The following KRT73 variants were observed in gnomAD, a reference collection of about 807,000 sequenced individuals.
The protein encoded by KRT73 is keratin, type II cytoskeletal 73.
KRT73 carries 44 observed loss-of-function variants against 47.2 expected under a neutral mutation model. The observed-to-expected ratio is 0.93, with a 90% confidence interval of 0.73 to 1.20. KRT73 has a LOEUF of 1.20. Ranked by LOEUF, KRT73 falls within the 50% of genes most tolerant of loss-of-function variation. The probability of loss-of-function intolerance (pLI) is 0.00; values close to 1 mark genes in which losing one functional copy is unlikely to be tolerated. For synonymous variants in KRT73, 285 were observed against 291.3 expected, an observed-to-expected ratio of 0.98 and a Z score of 0.22; for missense variants, 713 against 704.5, an observed-to-expected ratio of 1.01 and a Z score of -0.14.
At chr12:52,620,383 C>T (rs369507415), upstream of KRT73, among the ~76,000 whole-genome samples, 41 of 152,252 alleles carry the variant, frequency 2.7e-4, no homozygotes, top group South Asian at 8.3e-3. Flanking sequence ...GGATTACAGG[C>T]GTGAGCCACC....
intron 7 of KRT73, 84 bp downstream of exon 7, chr12:52,610,531 C>T: frequency 1.5e-4 from 26 of 179,010 alleles, no homozygotes; most frequent in South Asian, 6.0e-4. Flanking sequence ...AGCTCGCCGC[C>T]CCCTCCCCCC....
At chr12:52,627,604 C>T in the KRT73 span, among the ~76,000 whole-genome samples, 2 of 152,168 alleles carry the variant, frequency 1.3e-5, no homozygotes, top group Admixed American at 1.3e-4. Flanking sequence ...CCCAAGCCCC[C>T]AGGCTGCTTT....
chr12:52,616,422 G>A (rs904595207), intron 1 of KRT73, 42 bp from the exon 2 acceptor site: 2 of 1,603,238 alleles, frequency 1.2e-6, no homozygotes, highest in Non-Finnish European at 1.7e-6. Flanking sequence ...GTGGAGAGGG[G>A]ATGTGAGAAT....
intron 7 of KRT73, 148 bp downstream of exon 7, chr12:52,610,467 A>T (rs1488191860): frequency 1.3e-6 from 1 of 744,860 alleles, no homozygotes; most frequent in East Asian, 2.7e-5. Flanking sequence ...CTGTCACATT[A>T]TCTGGCAGGA....
upstream of KRT73, among the ~76,000 whole-genome samples, chr12:52,621,908 T>C (rs2120894222): frequency 6.6e-6 from 1 of 152,210 alleles, no homozygotes; most frequent in East Asian, 1.9e-4. Context: ...CCTGACCCAC[T>C]TGGTACCAGT....
intron 4 of KRT73, 155 bp from the exon 5 acceptor site, chr12:52,614,007 G>A: frequency 1.8e-6 from 2 of 1,133,918 alleles, no homozygotes; most frequent in South Asian, 3.5e-5. Flanking sequence ...CAGCCCAGAG[G>A]TTCCAATACC....
chr12:52,617,719 C>T (rs950687126), intron 1 of KRT73, among the ~76,000 whole-genome samples: 4 of 152,196 alleles, frequency 2.6e-5, no homozygotes, highest in African/African-American at 9.7e-5. Flanking sequence ...CCTTCCTGGG[C>T]TAGGCTGCTG....
intron 5 of KRT73, chr12:52,611,567 C>T (rs1565628785): frequency 1.9e-6 from 1 of 529,206 alleles, no homozygotes. Flanking sequence ...ATGTCCCAGA[C>T]TCTCCATATG....
At chr12:52,612,900 T>A (rs1940731767) in intron 5 of KRT73, 1 of 152,174 alleles carries the variant, frequency 6.6e-6, no homozygotes, top group African/African-American at 2.4e-5. Context: ...TAAGCAATAA[T>A]AATACTGTTA....
At chr12:52,615,423 C>T in intron 2 of KRT73, 84 bp from the exon 3 acceptor site, 1 of 1,092,926 alleles carries the variant, frequency 9.1e-7, no homozygotes, top group South Asian at 1.3e-5. Flanking sequence ...AAAAGAGATA[C>T]CCATATTATA....
At chr12:52,615,370 G>A in intron 2 of KRT73, 31 bp from the exon 3 acceptor site, 1 of 1,549,964 alleles carries the variant, frequency 6.5e-7, no homozygotes, top group Non-Finnish European at 8.9e-7. Context: ...GAAGCAGAGT[G>A]TGTGTCTGTG....
chr12:52,624,957 A>C, the KRT73 span, among the ~76,000 whole-genome samples: 1 of 149,916 alleles, frequency 6.7e-6, no homozygotes, highest in African/African-American at 2.4e-5. Flanking sequence ...ATAAAACAAA[A>C]AATCTTGATT....
chr12:52,627,811 G>A, the KRT73 span, among the ~76,000 whole-genome samples: 1 of 152,154 alleles, frequency 6.6e-6, no homozygotes, highest in Non-Finnish European at 1.5e-5. Context: ...GGTCCTTTGT[G>A]CCAACCTTCC....
At chr12:52,616,570 T>A (rs577858098) in intron 1 of KRT73, among the ~76,000 whole-genome samples, 190 bp from the exon 2 acceptor site, 1 of 152,306 alleles carries the variant, frequency 6.6e-6, no homozygotes, top group East Asian at 1.9e-4. Flanking sequence ...AAGTTCTCAC[T>A]CTGAGGCAGC....
Position 52,608,291 on chromosome 12 carries a change from C to T in KRT73, c.1528G>A (p.Glu510Lys), listed in dbSNP as rs1205558096. Reference sequence around the variant, plus strand: ...GCACTCCCCAGCCTGGTCCTGGCTTCCCCACGGGGGCTACAGTTCCCACTG... The same window carrying T: ...GCACTCCCCAGCCTGGTCCTGGCTTTCCCACGGGGGCTACAGTTCCCACTG... ...TGSGNCSPRG[E>K]ARTRLGSASE... Residue 510 changes from glutamate to lysine, a missense_variant, in exon 9 of 9, where the codon GAA becomes AAA. Coordinates refer to ENST00000305748, the MANE Select transcript of KRT73 (RefSeq NM_175068.3). 1.2e-6 allele frequency: 2 copies of T among 1,613,982 alleles called. No individual in the cohort carries two copies. The highest frequency in any genetic ancestry group is 2.2e-5 in the East Asian group (1 of 44,870).
chr12:52,608,188 TTGC>T lies in KRT73; in HGVS notation c.*5_*7del. 1 of 1,607,072 alleles carries T rather than the reference TTGC, an allele frequency of 6.2e-7. No individual in the cohort carries two copies. Among genetic ancestry groups the T allele is most frequent in the South Asian group, 1.1e-5 (1 of 89,516 alleles). On this transcript the variant is annotated 3_prime_UTR_variant, in exon 9 of 9. Transcript: ENST00000305748. ...GCAGACTACTGGGAAATGGGCTGTGTTGCACTTTTATCTCATGGTTTTTTTGGT... is the reference window on the plus strand; with the variant it reads ...GCAGACTACTGGGAAATGGGCTGTGTACTTTTATCTCATGGTTTTTTTGGT...
chr12:52,611,016 A>G, intron 6 of KRT73, 181 bp from the exon 7 acceptor site: 3 of 928,734 alleles, frequency 3.2e-6, no homozygotes, highest in Non-Finnish European at 4.8e-6. Flanking sequence ...TGGGCCCCAC[A>G]GCTTTATGAA....
At chr12:52,624,172 A>C in the KRT73 span, among the ~76,000 whole-genome samples, 2 of 152,134 alleles carry the variant, frequency 1.3e-5, no homozygotes, top group Admixed American at 1.3e-4. Flanking sequence ...TATAATTTAA[A>C]AAGACCAATT....
chr12:52,616,458 TTCTTATGCTACATTAG>T, intron 1 of KRT73, 78 bp from the exon 2 acceptor site: 1 of 1,555,524 alleles, frequency 6.4e-7, no homozygotes, highest in Non-Finnish European at 8.8e-7. Flanking sequence ...GAACTGTGTT[TTCTTATGCTACATTAG>T]CTTTAAAAAT....
Sources: allele counts gnomAD v4.1 joint callset (sites outside exome capture counted in the v4.1 genomes callset), GRCh38; gene constraint gnomAD v4.1.1; transcripts MANE v1.5; gene names NCBI Gene and HGNC (gene_info 2026-07-23, HGNC 2026-07-21).